The following PVT1 variants were observed in gnomAD, a reference collection of about 807,000 sequenced individuals.
PVT1 encodes Pvt1 oncogene.
At chr8:128,031,100 G>A (rs6982570) in intron 4 of PVT1, among the ~76,000 whole-genome samples, 21,937 of 152,228 alleles carry the variant, frequency 0.14, 3,578 homozygotes, top group African/African-American at 0.4. Flanking sequence ...TCACACTGGG[G>A]TCGGCGCACC....
intron 4 of PVT1, among the ~76,000 whole-genome samples, chr8:128,063,371 G>A (rs981062872): frequency 1.3e-5 from 2 of 152,080 alleles, no homozygotes; most frequent in Admixed American, 6.5e-5. Context: ...AATTAGCCAG[G>A]TGCGGTGGAG....
intron 3 of PVT1, among the ~76,000 whole-genome samples, chr8:127,984,839 T>C (rs1389561804): frequency 1.7e-4 from 2 of 11,996 alleles, no homozygotes; most frequent in African/African-American, 2.9e-4. Context: ...TTCTTTTCTT[T>C]TCTTTCTTTC....
At chr8:128,029,887 T>C (rs1199530082) in intron 4 of PVT1, among the ~76,000 whole-genome samples, 2 of 152,226 alleles carry the variant, frequency 1.3e-5, no homozygotes, top group African/African-American at 2.4e-5. Context: ...GATGGGAGGA[T>C]TGCTTGAGCC....
chr8:128,032,939 C>CTT (rs1362129699), intron 4 of PVT1, among the ~76,000 whole-genome samples: 1 of 152,202 alleles, frequency 6.6e-6, no homozygotes, highest in Non-Finnish European at 1.5e-5. Context: ...CCTCACCACA[C>CTT]TGAGTGTCGG....
At chr8:128,020,943 C>T (rs1817425751) in intron 4 of PVT1, among the ~76,000 whole-genome samples, 3 of 152,184 alleles carry the variant, frequency 2.0e-5, no homozygotes, top group African/African-American at 7.2e-5. Context: ...CAGGTTCTAA[C>T]ATCTTCCAAA....
At chr8:128,088,724 T>C (rs1014743622) in intron 5 of PVT1, among the ~76,000 whole-genome samples, 5 of 152,194 alleles carry the variant, frequency 3.3e-5, no homozygotes, top group African/African-American at 1.2e-4. Flanking sequence ...TCCATAAATA[T>C]CAACTGTGAA....
intron 2 of PVT1, among the ~76,000 whole-genome samples, chr8:127,844,929 G>T (rs1471250962): frequency 6.6e-6 from 1 of 152,040 alleles, no homozygotes; most frequent in African/African-American, 2.4e-5. Flanking sequence ...TAGCCAGGAT[G>T]GTCTCGATCT....
intron 3 of PVT1, among the ~76,000 whole-genome samples, chr8:127,907,968 A>G (rs537021044): frequency 2.0e-5 from 3 of 152,106 alleles, no homozygotes; most frequent in African/African-American, 7.2e-5. Context: ...AGGCTGATTC[A>G]AGTGGCTCAG....
chr8:127,990,233 G>T (rs1246321037), intron 4 of PVT1, among the ~76,000 whole-genome samples: 1 of 152,096 alleles, frequency 6.6e-6, no homozygotes, highest in Non-Finnish European at 1.5e-5. Context: ...GCTAGTGAAG[G>T]CATGTCTCCA....
intron 4 of PVT1, among the ~76,000 whole-genome samples, chr8:127,996,289 T>C (rs17198618): frequency 0.019 from 2,918 of 152,038 alleles, 41 homozygotes; most frequent in South Asian, 0.034. Flanking sequence ...CTGCACCACA[T>C]AGACCCTGGG....
intron 2 of PVT1, among the ~76,000 whole-genome samples, chr8:127,798,335 C>A (rs993358248): frequency 6.6e-6 from 1 of 151,764 alleles, no homozygotes; most frequent in Non-Finnish European, 1.5e-5. Flanking sequence ...AGGGTATACC[C>A]CTTGGCCTTG....
chr8:128,086,584 C>G (rs1814260945), intron 5 of PVT1, among the ~76,000 whole-genome samples: 1 of 152,244 alleles, frequency 6.6e-6, no homozygotes, highest in Non-Finnish European at 1.5e-5. Flanking sequence ...AAGGCTCCAA[C>G]AAACCCAAAG....
At chr8:127,841,412 T>C (rs532136006) in intron 2 of PVT1, among the ~76,000 whole-genome samples, 27 of 151,784 alleles carry the variant, frequency 1.8e-4, no homozygotes, top group South Asian at 2.1e-4. Flanking sequence ...TAGCTGGGAT[T>C]ACAGGCATGC....
At chr8:127,967,616 A>G (rs1226427172) in intron 3 of PVT1, among the ~76,000 whole-genome samples, 1 of 152,230 alleles carries the variant, frequency 6.6e-6, no homozygotes, top group Non-Finnish European at 1.5e-5. Context: ...CCTCGTCAGG[A>G]AAGGCTCACC....
At chr8:127,996,750 G>C (rs1009042613) in intron 4 of PVT1, 3 of 152,278 alleles carry the variant, frequency 2.0e-5, no homozygotes, top group African/African-American at 7.2e-5. Context: ...GGGAGGAAAC[G>C]GGAAAGTGAC....
chr8:128,086,763 T>C (rs1299535694), intron 5 of PVT1, among the ~76,000 whole-genome samples: 1 of 152,246 alleles, frequency 6.6e-6, no homozygotes, highest in Non-Finnish European at 1.5e-5. Flanking sequence ...ATGGAACAGC[T>C]TAACTCCTTG....
At chr8:127,835,498 C>T (rs548375616) in intron 2 of PVT1, among the ~76,000 whole-genome samples, 78 of 152,094 alleles carry the variant, frequency 5.1e-4, no homozygotes, top group Middle Eastern at 6.8e-3. Context: ...CCAGTGCATG[C>T]GGGGCTTAAA....
chr8:128,050,593 G>T (rs1332507776), intron 4 of PVT1, among the ~76,000 whole-genome samples: 2 of 152,146 alleles, frequency 1.3e-5, no homozygotes, highest in Non-Finnish European at 2.9e-5. Context: ...AGATCCATGG[G>T]CTCTGGCTTC....
intron 2 of PVT1, among the ~76,000 whole-genome samples, chr8:127,881,284 G>A (rs118040725): frequency 0.017 from 2,602 of 152,060 alleles, 34 homozygotes; most frequent in Middle Eastern, 0.034. Flanking sequence ...CTTGTGTTGT[G>A]AGCCCACTGT....
Sources: gnomAD v4.1 joint callset for allele counts (sites outside exome capture counted in the v4.1 genomes callset) on GRCh38, gnomAD v4.1.1 for gene constraint, MANE v1.5 for transcripts, NCBI Gene and HGNC (gene_info 2026-07-23, HGNC 2026-07-21) for gene names.